The following P2RY8 variants were observed in gnomAD, a reference collection of about 807,000 sequenced individuals.
P2RY8 encodes P2Y receptor family member 8, also known as S-geranylgeranyl-glutathione receptor P2RY8.
A neutral mutation model predicts 10.0 loss-of-function variants in P2RY8; 6 were observed. The observed-to-expected ratio is 0.60, with a 90% CI of 0.33 to 1.19. The LOEUF (loss-of-function observed/expected upper bound fraction) is 1.19, where lower values mean the gene tolerates loss of function less well. Among genes scored for constraint, P2RY8 ranks in the 50% most tolerant of loss-of-function variants. P2RY8 has a pLI of 0.04. For synonymous variants in P2RY8, 276 were observed against 252.5 expected, an observed-to-expected ratio of 1.09 and a Z score of -0.88; for missense variants, 456 against 542.0, an observed-to-expected ratio of 0.84 and a Z score of 1.58.
chrX:1,530,157 GATCTATCTATCTATCTATCTATCT>G (rs1179030530), intron 1 of P2RY8, among the ~76,000 whole-genome samples: 11 of 42,562 alleles, frequency 2.6e-4, no homozygotes, highest in African/African-American at 5.6e-4. Flanking sequence ...ATGTATGTAT[GATCTATCTATCTATCTATCTATCT>G]ATCTATCTAT....
chrX:1,533,215 G>A (rs1413328189), intron 1 of P2RY8, among the ~76,000 whole-genome samples: 1 of 150,168 alleles, frequency 6.7e-6, no homozygotes, highest in Non-Finnish European at 1.5e-5. Flanking sequence ...AATGGCACGT[G>A]TTTCCCCAAA....
At chrX:1,481,255 G>A (rs2091932218) in intron 1 of P2RY8, among the ~76,000 whole-genome samples, 1 of 151,596 alleles carries the variant, frequency 6.6e-6, no homozygotes, top group Non-Finnish European at 1.5e-5. Context: ...TGCAACCTCC[G>A]CCTCCCGGGT....
At chrX:1,481,453 C>T (rs2091934109) in intron 1 of P2RY8, among the ~76,000 whole-genome samples, 1 of 152,124 alleles carries the variant, frequency 6.6e-6, no homozygotes, top group South Asian at 2.1e-4. Context: ...CGTGAGCCAC[C>T]GTGCCCGGCC....
At chrX:1,488,956 G>C (rs1417181887) in intron 1 of P2RY8, among the ~76,000 whole-genome samples, 2 of 149,570 alleles carry the variant, frequency 1.3e-5, no homozygotes, top group East Asian at 4.0e-4. Context: ...TGAATGAATG[G>C]CATCCAGGGT....
intron 1 of P2RY8, among the ~76,000 whole-genome samples, chrX:1,481,229 CACA>C (rs1385055532): frequency 6.6e-6 from 1 of 151,808 alleles, no homozygotes; most frequent in Non-Finnish European, 1.5e-5. Flanking sequence ...AGTGCAATGG[CACA>C]ACGTCGGCTC....
rs1314594386 is a variant in P2RY8 at position 1,484,775 on chromosome X, T to C, written c.-24-18193A>G. Reference sequence around the variant, plus strand: ...AAGAAGAAGAAGAAGAAGCGGCAGCTGGGGAACCTTCCTGAGCAAAAACTA... The same window carrying C: ...AAGAAGAAGAAGAAGAAGCGGCAGCCGGGGAACCTTCCTGAGCAAAAACTA... On this transcript the variant is annotated intron_variant, in intron 1 of 1. Coordinates refer to ENST00000381297, the MANE Select transcript of P2RY8 (RefSeq NM_178129.5). 4.5e-5 allele frequency among the ~76,000 whole-genome samples: 6 copies of C among 134,406 alleles called. No individual in the cohort carries two copies. The South Asian group carries it at 1.1e-3, about 24-fold the overall frequency. The allele number at this position is 134,406 out of a possible 152,430, so 88.2% of individuals were successfully genotyped here.
intron 1 of P2RY8, among the ~76,000 whole-genome samples, chrX:1,526,949 A>C (rs1479744206): frequency 6.6e-6 from 1 of 152,040 alleles, no homozygotes; most frequent in East Asian, 1.9e-4. Context: ...GCTGATGTGC[A>C]ACAGCTCGAT....
At position 1,485,929 on chromosome X, in the gene P2RY8, TA is replaced by T. The variant is rs752817442; in HGVS notation, c.-24-19348del. Among the ~76,000 whole-genome samples the T allele has an allele frequency of 1.1e-3, 160 of 152,074 alleles. 1 individual carries two copies. Among genetic ancestry groups the T allele is most frequent in the African/African-American group, 3.6e-3 (148 of 41,520 alleles). ...AGTGAAGGTAGCATTAGAAAATGTA[TA>T]AAAAGGGGCTAGGTGTGGTGGCTCA... On this transcript the variant is annotated intron_variant, in intron 1 of 1. Coordinates refer to ENST00000381297, the MANE Select transcript of P2RY8 (RefSeq NM_178129.5).
intron 1 of P2RY8, among the ~76,000 whole-genome samples, chrX:1,472,271 G>T (rs1441404122): frequency 9.5e-6 from 1 of 104,870 alleles, no homozygotes; most frequent in African/African-American, 3.9e-5. Flanking sequence ...GGCGTCCTTA[G>T]GAGAAAGAGA....
At chrX:1,468,725 CCTCTCCT>C (rs1357944357) in intron 1 of P2RY8, among the ~76,000 whole-genome samples, 8 of 132,308 alleles carry the variant, frequency 6.0e-5, no homozygotes, top group Non-Finnish European at 1.2e-4. Context: ...GTGGGACCCT[CCTCTCCT>C]CTCTCCTCTC....
intron 1 of P2RY8, among the ~76,000 whole-genome samples, chrX:1,482,967 T>G (rs1197791779): frequency 2.6e-5 from 4 of 151,816 alleles, no homozygotes; most frequent in African/African-American, 7.3e-5. Context: ...GGGGGAGGGA[T>G]AGCATTAGGA....
chrX:1,476,777 G>A (rs2091879167), intron 1 of P2RY8, among the ~76,000 whole-genome samples: 1 of 152,082 alleles, frequency 6.6e-6, no homozygotes, highest in South Asian at 2.1e-4. Context: ...GATCTGGTGG[G>A]TGGAGCCCAG....
Position 1,463,464 on chromosome X carries a change from G to A in P2RY8, c.*2015C>T, listed in dbSNP as rs1180655778. The A allele has an allele frequency of 4.4e-5, 10 of 229,202 alleles. No individual in the cohort carries two copies. The highest frequency in any genetic ancestry group is 2.0e-4 in the African/African-American group (9 of 44,742). The allele number at this position is 229,202 out of a possible 1,614,324, so 14.2% of individuals were successfully genotyped here. On this transcript the variant is annotated 3_prime_UTR_variant, in exon 2 of 2. Transcript: ENST00000381297. ...CACTCCAGTCTGCCTCTGTCTCCAC[G>A]TGTCCTCCTGCTCTGTGTCTGTGTC...
chrX:1,488,735 T>TGG (rs2092011000), intron 1 of P2RY8, among the ~76,000 whole-genome samples: 2 of 111,190 alleles, frequency 1.8e-5, no homozygotes, highest in African/African-American at 1.7e-4. Flanking sequence ...AAATGCAGGG[T>TGG]GTGTGTGTGT....
intron 1 of P2RY8, among the ~76,000 whole-genome samples, chrX:1,478,106 G>C (rs2091895602): frequency 6.6e-6 from 1 of 152,148 alleles, no homozygotes; most frequent in Non-Finnish European, 1.5e-5. Context: ...TCAGACGTCA[G>C]AGCTGTGGCC....
At chrX:1,521,860 T>C (rs1452719232) in intron 1 of P2RY8, among the ~76,000 whole-genome samples, 1 of 150,638 alleles carries the variant, frequency 6.6e-6, no homozygotes, top group Non-Finnish European at 1.5e-5. Flanking sequence ...CCGCGAAGAG[T>C]GTTTATAGCC....
chrX:1,517,118 T>C (rs79789426), intron 1 of P2RY8, among the ~76,000 whole-genome samples: 129,557 of 150,770 alleles, frequency 0.86, 56,028 homozygotes, highest in East Asian at 1. Context: ...ACCTTAATCT[T>C]GGATTTCCAG....
chrX:1,509,735 A>G (rs867333199), intron 1 of P2RY8, among the ~76,000 whole-genome samples: 1 of 102,090 alleles, frequency 9.8e-6, no homozygotes, highest in Admixed American at 9.1e-5. Flanking sequence ...CTATGTATCT[A>G]TCTATGTATC....
chrX:1,482,522 A>T, intron 1 of P2RY8, among the ~76,000 whole-genome samples: 1 of 152,274 alleles, frequency 6.6e-6, no homozygotes. Context: ...CTGTTTAAAG[A>T]TCGTTGCTCT....
Sources: allele counts gnomAD v4.1 joint callset (sites outside exome capture counted in the v4.1 genomes callset), GRCh38; gene constraint gnomAD v4.1.1; transcripts MANE v1.5; gene names NCBI Gene and HGNC (gene_info 2026-07-23, HGNC 2026-07-21).